Variants in TG observed in about 807,000 individuals in gnomAD.
TG encodes thyroglobulin.
Under a neutral mutation model 324.7 loss-of-function variants are expected in TG, and 270 were observed. That is an observed-to-expected ratio of 0.83 (90% CI 0.75 to 0.92). TG has a LOEUF of 0.92. Among genes scored for constraint, TG ranks in the 40% least tolerant of loss-of-function variants. The probability of loss-of-function intolerance (pLI) is 0.00; values close to 1 mark genes in which losing one functional copy is unlikely to be tolerated. For missense variants in TG, 3,591 were observed against 3,456.4 expected (o/e 1.04, Z -0.98); for synonymous variants, 1,401 against 1,327.0 (o/e 1.06, Z -1.21).
At chr8:133,050,811 C>T (rs1840260827) in intron 41 of TG, 1 of 1,581,554 alleles carries the variant, frequency 6.3e-7, no homozygotes, top group Non-Finnish European at 8.7e-7. Context: ...GGAGAGCTGA[C>T]TCACTCAGAA....
At chr8:132,986,343 A>C (rs1007355667) in intron 35 of TG, among the ~76,000 whole-genome samples, 1 of 142,736 alleles carries the variant, frequency 7.0e-6, no homozygotes, top group African/African-American at 2.6e-5. Flanking sequence ...ATATGTGTGT[A>C]TATATATGTA....
intron 35 of TG, among the ~76,000 whole-genome samples, chr8:132,987,390 C>T (rs527408065): frequency 1.1e-4 from 16 of 143,930 alleles, no homozygotes; most frequent in Admixed American, 2.1e-4. Flanking sequence ...TGTGTACAGG[C>T]ACGTATGCAC....
In TG at chr8:132,909,620, T is replaced by C. The variant is rs76016834; in HGVS notation, c.4002+1280T>C. 2.0e-3 allele frequency among the ~76,000 whole-genome samples: 305 copies of C among 152,250 alleles called. 2 individuals are homozygous for C. The highest frequency in any genetic ancestry group is 7.1e-3 in the African/African-American group (295 of 41,530). On this transcript the variant is annotated intron_variant, in intron 18 of 47. Coordinates refer to ENST00000220616, the MANE Select transcript of TG (RefSeq NM_003235.5). Reference sequence around the variant, plus strand: ...TTCTTCAGAAGGAGGAGATGATACATAGACTTTCAAGTCAGATGGATCTGG... The same window carrying C: ...TTCTTCAGAAGGAGGAGATGATACACAGACTTTCAAGTCAGATGGATCTGG...
chr8:132,984,045 GGTGGAGGGGT>G, intron 35 of TG, among the ~76,000 whole-genome samples: 1 of 152,234 alleles, frequency 6.6e-6, no homozygotes, highest in African/African-American at 2.4e-5. Context: ...ATGGGGGTGA[GGTGGAGGGGT>G]CAGGACAGCA....
Position 132,897,673 on chromosome 8 carries a change from G to C in TG, c.3026G>C (p.Arg1009Pro), listed in dbSNP as rs375831720. The C allele has an allele frequency of 6.2e-7, 1 of 1,614,174 alleles. No individual in the cohort carries two copies. The highest frequency in any genetic ancestry group is 1.7e-5 in the Admixed American group (1 of 60,026). ...GCCTTAAGCTTCTATCAGAGACGCC[G>C]CTTTTCCCCGGACGACTCGGCTGGA... ...QSTLSFYQRR[R>P]FSPDDSAGAS... The change falls in exon 12 of 48, where the codon CGC (arginine) becomes CCC (proline). Residue 1009 changes from arginine to proline, a missense_variant. Arg to Pro is a moderately radical substitution (Grantham distance 103). Coordinates refer to ENST00000220616, the MANE Select transcript of TG (RefSeq NM_003235.5).
At chr8:133,003,850 T>A (rs570189384) in intron 35 of TG, among the ~76,000 whole-genome samples, 1 of 152,304 alleles carries the variant, frequency 6.6e-6, no homozygotes, top group South Asian at 2.1e-4. Context: ...CATATAGGGC[T>A]GTCCTGGGTG....
chr8:133,031,030 T>C (rs1287326896), intron 41 of TG, among the ~76,000 whole-genome samples: 1 of 152,238 alleles, frequency 6.6e-6, no homozygotes, highest in Non-Finnish European at 1.5e-5. Flanking sequence ...AAGTGTTCCG[T>C]TCATTGGGAT....
At chr8:133,001,992 T>C in intron 35 of TG, 1 of 985,398 alleles carries the variant, frequency 1.0e-6, no homozygotes, top group South Asian at 4.7e-5. Context: ...CCTGAAGACT[T>C]TTGGATGCCT....
intron 41 of TG, among the ~76,000 whole-genome samples, chr8:133,070,209 T>G (rs1241828192): frequency 1.3e-5 from 2 of 152,046 alleles, no homozygotes; most frequent in Admixed American, 1.3e-4. Context: ...GACTTCCAGT[T>G]TCCAGTGTGA....
At chr8:132,935,663 TG>T (rs1823476016) in intron 24 of TG, 92 bp from the exon 25 acceptor site, 1 of 1,141,442 alleles carries the variant, frequency 8.8e-7, no homozygotes. Flanking sequence ...TTTGTAGCCC[TG>T]GTGCCTAGCC....
intron 35 of TG, chr8:132,995,105 A>T (rs1220564080): frequency 4.1e-6 from 4 of 970,596 alleles, no homozygotes; most frequent in Non-Finnish European, 4.8e-6. Flanking sequence ...GCTGGGAAGC[A>T]CAGAGCCTGG....
intron 41 of TG, among the ~76,000 whole-genome samples, chr8:133,033,730 G>A (rs1836840081): frequency 6.6e-6 from 1 of 152,164 alleles, no homozygotes; most frequent in Non-Finnish European, 1.5e-5. Context: ...TGTCCTTCAG[G>A]GCTCAGCTGA....
rs956853909 is a variant in TG at position 133,038,395 on chromosome 8, T to C, written c.7239+8372T>C. 1.7e-5 allele frequency: 12 copies of C among 721,244 alleles called. No homozygotes were observed. The African/African-American group carries it at 1.8e-4, about 11-fold the overall frequency. The allele number at this position is 721,244 out of a possible 1,614,324, so 44.7% of individuals were successfully genotyped here. A position where few individuals can be genotyped will look rare whatever the true frequency, so the allele number is the denominator to read the frequency against. ...GAGAAGATGCGAATTTGAGTCTCCA[T>C]GTGGCTTCTCTTGGCTTCTAAAATA... On this transcript the variant is annotated intron_variant, in intron 41 of 47. Coordinates refer to ENST00000220616, the MANE Select transcript of TG (RefSeq NM_003235.5).
intron 35 of TG, among the ~76,000 whole-genome samples, chr8:132,990,528 C>T (rs1268264981): frequency 6.7e-6 from 1 of 150,018 alleles, no homozygotes; most frequent in Non-Finnish European, 1.5e-5. Context: ...AATCATTTTT[C>T]CCGTCCCCCT....
chr8:133,032,211 A>T (rs1215392461), intron 41 of TG, among the ~76,000 whole-genome samples: 2 of 151,392 alleles, frequency 1.3e-5, no homozygotes, highest in Non-Finnish European at 2.9e-5. Flanking sequence ...CCTCCCTTCC[A>T]CCCCTTTCTT....
Position 132,887,989 on chromosome 8 carries a change from A to T in TG, c.2182A>T (p.Thr728Ser), listed in dbSNP as rs766725910. The change falls in exon 10 of 48, where the codon ACG becomes TCG. Residue 728 changes from threonine to serine, a missense_variant. By Grantham distance (58) the Thr-to-Ser change is moderately conservative. Transcript: ENST00000220616. The stretch of plus-strand genomic sequence containing the variant: ...TGCTCATTGTTCCTCCCCAGGCCCC[A>T]CGCCCTGTCAATTACAGTCTGAGCA... ...SAIGKPKKCP[T>S]PCQLQSEQAF... 8 of 1,613,524 alleles carry T rather than the reference A, an allele frequency of 5.0e-6. No homozygotes were observed. The highest frequency in any genetic ancestry group is 6.8e-6 in the Non-Finnish European group (8 of 1,179,776).
At position 133,021,896 on chromosome 8, in the gene TG, G is replaced by A. The variant is rs1182235032; in HGVS notation, c.6877-95G>A. The A allele has an allele frequency of 4.7e-6, 7 of 1,486,688 alleles. No individual in the cohort carries two copies. In the African/African-American group the frequency reaches 5.5e-5, roughly 12 times the overall value. 92.1% of individuals were successfully genotyped at this position (1,486,688 alleles called of 1,614,324 possible). ...TGGGGCTAAGTATGCCACAGAGCTG[G>A]CCAGAGGAGTCCTGTGTCAACCAAG... On this transcript the variant is annotated intron_variant, in intron 39 of 47. Transcript: ENST00000220616.
intron 25 of TG, among the ~76,000 whole-genome samples, chr8:132,937,712 C>A (rs910535358): frequency 6.6e-6 from 1 of 152,078 alleles, no homozygotes; most frequent in Non-Finnish European, 1.5e-5. Context: ...TCATGACTTA[C>A]CCTTTTATGA....
Position 132,888,325 on chromosome 8 carries a change from C to T in TG, c.2518C>T (p.Pro840Ser). 1 of 1,614,118 alleles carries T rather than the reference C, an allele frequency of 6.2e-7. No individual in the cohort carries two copies. The highest frequency in any genetic ancestry group is 8.5e-7 in the Non-Finnish European group (1 of 1,180,014). ...QDVFPVLSQY[P>S]SLQDVPLAAL... ...TGTCTTCCCGGTGCTGTCACAATAC[C>T]CTTCTCTGCAAGATGTCCCACTAGC... The change falls in exon 10 of 48, where the codon CCT becomes TCT. Residue 840 changes from proline to serine, a missense_variant. Transcript: ENST00000220616.
Sources: allele counts gnomAD v4.1 joint callset (sites outside exome capture counted in the v4.1 genomes callset), GRCh38; gene constraint gnomAD v4.1.1; transcripts MANE v1.5; gene names NCBI Gene and HGNC (gene_info 2026-07-23, HGNC 2026-07-21).